SLC25A21: variants seen among roughly 807,000 people sequenced by gnomAD.
The protein encoded by SLC25A21 is solute carrier family 25 member 21.
A neutral mutation model predicts 43.8 loss-of-function variants in SLC25A21; 47 were observed. The observed-to-expected ratio is 1.07, with a 90% confidence interval of 0.85 to 1.37. The LOEUF (loss-of-function observed/expected upper bound fraction) is 1.37, where lower values mean the gene tolerates loss of function less well. Ranked by LOEUF, SLC25A21 falls within the 40% of genes most tolerant of loss-of-function variation. SLC25A21 has a pLI of 0.00. For synonymous variants in SLC25A21, 131 were observed against 121.3 expected, an observed-to-expected ratio of 1.08 and a Z score of -0.52; for missense variants, 352 against 350.2, an observed-to-expected ratio of 1.00 and a Z score of -0.04.
intron 1 of SLC25A21, among the ~76,000 whole-genome samples, chr14:36,957,538 A>C (rs1437908056): frequency 1.3e-5 from 2 of 152,208 alleles, no homozygotes; most frequent in Admixed American, 6.5e-5. Context: ...TCTGCTTCAC[A>C]GTTCTATGAC....
At chr14:37,108,740 CGT>C (rs1962964419) in intron 1 of SLC25A21, among the ~76,000 whole-genome samples, 1 of 109,980 alleles carries the variant, frequency 9.1e-6, no homozygotes, top group Non-Finnish European at 2.0e-5. Flanking sequence ...TGTGTGTGTG[CGT>C]GTGTGTGTTG....
Position 36,916,431 on chromosome 14 carries a change from C to A in SLC25A21, c.71-41427G>T, listed in dbSNP as rs539695106. ...CATATATAGTTCAAAGCTATCCATA[C>A]TGTTTTAGCACAAAACAAACAAATG... On this transcript the variant is annotated intron_variant, in intron 1 of 9. Coordinates refer to ENST00000331299, the MANE Select transcript of SLC25A21 (RefSeq NM_030631.4). Among the ~76,000 whole-genome samples the A allele has an allele frequency of 3.3e-5, 5 of 152,298 alleles. No individual in the cohort carries two copies. The East Asian group carries it at 9.7e-4, about 29-fold the overall frequency.
intron 7 of SLC25A21, among the ~76,000 whole-genome samples, chr14:36,708,877 C>T (rs1883701409): frequency 1.3e-5 from 2 of 151,684 alleles, no homozygotes; most frequent in South Asian, 2.1e-4. Flanking sequence ...AGCCACTGTG[C>T]CAGCTCAGGT....
intron 1 of SLC25A21, among the ~76,000 whole-genome samples, chr14:37,143,994 A>T (rs1182260106): frequency 6.6e-6 from 1 of 152,218 alleles, no homozygotes; most frequent in African/African-American, 2.4e-5. Context: ...GTTATTGACA[A>T]GAGTCAGAAA....
At chr14:36,821,292 C>T (rs780746956) in intron 2 of SLC25A21, among the ~76,000 whole-genome samples, 6 of 151,010 alleles carry the variant, frequency 4.0e-5, no homozygotes, top group Non-Finnish European at 5.9e-5. Flanking sequence ...GTGCCTTTCT[C>T]ATCCCTCCAG....
intron 3 of SLC25A21, among the ~76,000 whole-genome samples, chr14:36,768,188 G>A (rs956364760): frequency 6.6e-6 from 1 of 152,200 alleles, no homozygotes; most frequent in Admixed American, 6.5e-5. Context: ...TAGCAGAGGA[G>A]AGGCCCAGGC....
At chr14:37,140,188 C>T (rs1963547248) in intron 1 of SLC25A21, among the ~76,000 whole-genome samples, 1 of 152,118 alleles carries the variant, frequency 6.6e-6, no homozygotes, top group South Asian at 2.1e-4. Context: ...CTGCTTATAT[C>T]CCGAAGTTGC....
intron 1 of SLC25A21, among the ~76,000 whole-genome samples, chr14:37,159,093 CA>C (rs1963896747): frequency 6.6e-6 from 1 of 151,210 alleles, no homozygotes; most frequent in Non-Finnish European, 1.5e-5. Context: ...ATGACACAAA[CA>C]AATGGAAAAA....
intron 3 of SLC25A21, among the ~76,000 whole-genome samples, chr14:36,764,196 A>AAGAAAGAAAG (rs1187804219): frequency 1.5e-5 from 2 of 137,666 alleles, no homozygotes; most frequent in African/African-American, 2.8e-5. Context: ...AAGAAAGAGA[A>AAGAAAGAAAG]AGAAAGAAAC....
rs139137588 is a variant in SLC25A21 at position 36,796,643 on chromosome 14, T to G, written c.203+17275A>C. ...GATGCACACCTGGTATAAAATTCCT[T>G]GCTAAGACTACCTCTCAGTGGCGGC... On this transcript the variant is annotated intron_variant, in intron 3 of 9. Transcript: ENST00000331299. Among the ~76,000 whole-genome samples the G allele has an allele frequency of 2.6e-5, 4 of 152,148 alleles. No homozygotes were observed. The East Asian group carries it at 5.8e-4, about 22-fold the overall frequency.
intron 1 of SLC25A21, among the ~76,000 whole-genome samples, chr14:37,166,016 A>G (rs1160318499): frequency 1.3e-5 from 2 of 152,128 alleles, no homozygotes. Context: ...TGGGATCCCT[A>G]ACATGTTTAG....
intron 2 of SLC25A21, among the ~76,000 whole-genome samples, chr14:36,833,138 G>C (rs113438111): frequency 3.4e-4 from 51 of 152,120 alleles, no homozygotes; most frequent in African/African-American, 1.2e-3. Context: ...GTAATGAGAA[G>C]GGAATTCAAA....
intron 1 of SLC25A21, among the ~76,000 whole-genome samples, chr14:37,030,833 C>T (rs575102120): frequency 1.3e-5 from 2 of 152,232 alleles, no homozygotes; most frequent in East Asian, 3.9e-4. Flanking sequence ...CCTGGATTTT[C>T]TGAGTTTAGT....
At chr14:36,927,977 T>C (rs1042950875) in intron 1 of SLC25A21, among the ~76,000 whole-genome samples, 1 of 152,176 alleles carries the variant, frequency 6.6e-6, no homozygotes, top group Non-Finnish European at 1.5e-5. Flanking sequence ...GTGTCTAGCA[T>C]ACAACCGAGG....
intron 1 of SLC25A21, among the ~76,000 whole-genome samples, chr14:36,975,295 TCACC>T (rs1342670582): frequency 9.2e-5 from 14 of 152,210 alleles, no homozygotes; most frequent in Non-Finnish European, 2.1e-4. Context: ...TGAGCTGGTT[TCACC>T]AGGATCTCAT....
chr14:36,679,791 A>G lies in SLC25A21; in HGVS notation c.*867T>C. 1 of 985,282 alleles carries G rather than the reference A, an allele frequency of 1.0e-6. No individual in the cohort carries two copies. Among genetic ancestry groups the G allele is most frequent in the South Asian group, 4.7e-5 (1 of 21,282 alleles). The allele number at this position is 985,282 out of a possible 1,614,324, so 61.0% of individuals were successfully genotyped here. ...TTGGATGCAAATACTGATGGCTGAC[A>G]AATGGGTCCAAAGGTGTTTCCAATT... On this transcript the variant is annotated 3_prime_UTR_variant, in exon 10 of 10. Coordinates refer to ENST00000331299, the MANE Select transcript of SLC25A21 (RefSeq NM_030631.4).
intron 1 of SLC25A21, among the ~76,000 whole-genome samples, chr14:36,958,182 C>A (rs984081073): frequency 6.6e-6 from 1 of 151,828 alleles, no homozygotes; most frequent in African/African-American, 2.4e-5. Context: ...ACAAGCCTGC[C>A]ACTGCCTCCA....
At position 36,680,149 on chromosome 14, in the gene SLC25A21, T is replaced by C. The variant is rs1179966383; in HGVS notation, c.*509A>G. The C allele has an allele frequency of 7.1e-6, 6 of 850,482 alleles. No homozygotes were observed. The highest frequency in any genetic ancestry group is 8.5e-6 in the Non-Finnish European group (6 of 707,886). 52.7% of individuals were successfully genotyped at this position (850,482 alleles called of 1,614,324 possible). A position where few individuals can be genotyped will look rare whatever the true frequency, so the allele number is the denominator to read the frequency against. The stretch of plus-strand genomic sequence containing the variant: ...CTTAAAAGGTCATTTTAGTGCACTT[T>C]AAAAAATTTTTCTTGTGCTCTTTAA... On this transcript the variant is annotated 3_prime_UTR_variant, in exon 10 of 10. Transcript: ENST00000331299.
intron 1 of SLC25A21, among the ~76,000 whole-genome samples, chr14:37,006,655 C>CTAG (rs1960611050): frequency 1.3e-5 from 2 of 152,002 alleles, no homozygotes; most frequent in Non-Finnish European, 2.9e-5. Context: ...CCCAGAACAC[C>CTAG]TTAATTTCCT....
Sources: gnomAD v4.1 joint callset for allele counts (sites outside exome capture counted in the v4.1 genomes callset) on GRCh38, gnomAD v4.1.1 for gene constraint, MANE v1.5 for transcripts, NCBI Gene and HGNC (gene_info 2026-07-23, HGNC 2026-07-21) for gene names.